The following RARB variants were observed in gnomAD, a reference collection of about 807,000 sequenced individuals.
RARB encodes HBV-activated protein.
In RARB, 17 loss-of-function variants were observed where a neutral mutation model predicts 51.9. That is an observed-to-expected ratio of 0.33 (90% CI 0.22 to 0.49). The LOEUF (loss-of-function observed/expected upper bound fraction) is 0.49. Ranked by LOEUF, RARB falls within the 20% of genes least tolerant of loss-of-function variation. The pLI is 0.99. For synonymous variants in RARB, 215 were observed against 195.4 expected, an observed-to-expected ratio of 1.10 and a Z score of -0.84; for missense variants, 369 against 550.8, an observed-to-expected ratio of 0.67 and a Z score of 3.30.
chr3:24,879,948 TTG>T (rs71622785), intron 2 of RARB, among the ~76,000 whole-genome samples: 21,982 of 151,946 alleles, frequency 0.14, 2,022 homozygotes, highest in African/African-American at 0.27. Flanking sequence ...TTCTTGAGTT[TTG>T]TGTTACGCCT....
chr3:25,017,315 C>T (rs537946374), intron 2 of RARB, among the ~76,000 whole-genome samples: 35 of 147,660 alleles, frequency 2.4e-4, no homozygotes, highest in Admixed American at 1.1e-3. Context: ...TGTGTTTCCA[C>T]GTAGACCCCA....
At chr3:24,889,347 C>A (rs1056134409) in intron 2 of RARB, among the ~76,000 whole-genome samples, 3 of 152,046 alleles carry the variant, frequency 2.0e-5, no homozygotes, top group South Asian at 4.1e-4. Context: ...CATTAGTGAG[C>A]CAAAGCAGGA....
chr3:25,196,898 C>T (rs539807436), intron 5 of RARB, among the ~76,000 whole-genome samples: 4 of 152,124 alleles, frequency 2.6e-5, no homozygotes, highest in African/African-American at 4.8e-5. Flanking sequence ...ATATCCTTCG[C>T]CCACTTTTTG....
intron 2 of RARB, among the ~76,000 whole-genome samples, chr3:25,022,130 T>A (rs891622366): frequency 2.6e-5 from 4 of 152,186 alleles, no homozygotes; most frequent in Non-Finnish European, 4.4e-5. Context: ...TTGAATTTTT[T>A]AAACCCAAGT....
intron 5 of RARB, among the ~76,000 whole-genome samples, chr3:25,287,859 A>G (rs1461973961): frequency 6.6e-6 from 1 of 152,038 alleles, no homozygotes; most frequent in African/African-American, 2.4e-5. Context: ...TGTCAGCCAT[A>G]TTCACTTAGA....
At chr3:25,207,984 G>A (rs1432846319) in intron 5 of RARB, among the ~76,000 whole-genome samples, 2 of 151,746 alleles carry the variant, frequency 1.3e-5, no homozygotes, top group Non-Finnish European at 2.9e-5. Flanking sequence ...GCAGGAGCAA[G>A]CATGTCACAT....
At chr3:25,589,743 A>C (rs771083629) in intron 5 of RARB, among the ~76,000 whole-genome samples, 3 of 152,224 alleles carry the variant, frequency 2.0e-5, no homozygotes, top group Admixed American at 6.5e-5. Context: ...AGGAGGATCA[A>C]CTTTGACCAT....
At chr3:25,029,836 A>G (rs915101247) in intron 2 of RARB, among the ~76,000 whole-genome samples, 1 of 152,380 alleles carries the variant, frequency 6.6e-6, no homozygotes, top group East Asian at 1.9e-4. Context: ...CATGGGACAG[A>G]GTAGAAGTCA....
intron 5 of RARB, among the ~76,000 whole-genome samples, chr3:25,253,936 G>A (rs1702794215): frequency 6.6e-6 from 1 of 152,132 alleles, no homozygotes; most frequent in Non-Finnish European, 1.5e-5. Context: ...GATATCGGTA[G>A]GGAACTGTGT....
chr3:25,547,798 G>A (rs1470325524), intron 3 of RARB, among the ~76,000 whole-genome samples: 2 of 151,940 alleles, frequency 1.3e-5, no homozygotes, highest in African/African-American at 4.8e-5. Context: ...ATAGACGGTG[G>A]GTGGATGGAA....
At chr3:25,248,914 AAG>A (rs1345498812) in intron 5 of RARB, among the ~76,000 whole-genome samples, 1 of 152,158 alleles carries the variant, frequency 6.6e-6, no homozygotes, top group Non-Finnish European at 1.5e-5. Flanking sequence ...TGCCATGAAT[AAG>A]AGTTTTTTAA....
intron 2 of RARB, among the ~76,000 whole-genome samples, chr3:25,477,772 G>A (rs574553555): frequency 4.5e-4 from 68 of 152,270 alleles, no homozygotes; most frequent in African/African-American, 1.3e-3. Flanking sequence ...ACAAACCATC[G>A]CAAATCTTAA....
rs549845893 is a variant in RARB, at chr3:25,409,270, C to T, written c.179-51923C>T. On this transcript the variant is annotated intron_variant, in intron 5 of 11. Coordinates refer to the RARB transcript ENST00000383772. ...TCACCTATGTTTTCTTGTTGTTTTC[C>T]CAAGAGACCATACAACTGACTTTTC... 2.0e-5 allele frequency among the ~76,000 whole-genome samples: 3 copies of T among 152,160 alleles called. No individual in the cohort carries two copies. In the South Asian group the frequency reaches 6.2e-4, roughly 32 times the overall value.
intron 4 of RARB, among the ~76,000 whole-genome samples, chr3:25,573,169 C>T (rs1274363596): frequency 6.6e-6 from 1 of 152,098 alleles, no homozygotes; most frequent in Non-Finnish European, 1.5e-5. Flanking sequence ...TGATGATCTC[C>T]GCTGGCCGCC....
chr3:25,085,983 C>T (rs182360564), intron 3 of RARB, among the ~76,000 whole-genome samples: 4 of 152,230 alleles, frequency 2.6e-5, no homozygotes, highest in Admixed American at 2.0e-4. Flanking sequence ...TTCTCCTCCA[C>T]GTAACAATGC....
intron 2 of RARB, among the ~76,000 whole-genome samples, chr3:24,900,159 G>T (rs938526751): frequency 8.5e-5 from 13 of 152,180 alleles, no homozygotes; most frequent in African/African-American, 3.1e-4. Context: ...GAGAAAAATG[G>T]TCAGTAACAT....
chr3:24,923,034 G>A (rs567274754), intron 2 of RARB, among the ~76,000 whole-genome samples: 30 of 152,258 alleles, frequency 2.0e-4, no homozygotes, highest in Non-Finnish European at 3.2e-4. Flanking sequence ...CTTCCAAAAT[G>A]ATGACTTGCA....
intron 3 of RARB, among the ~76,000 whole-genome samples, chr3:25,099,980 C>T (rs774761223): frequency 6.6e-6 from 1 of 152,178 alleles, no homozygotes; most frequent in Non-Finnish European, 1.5e-5. Context: ...ATATCATTTC[C>T]TGGTTTCACT....
intron 5 of RARB, among the ~76,000 whole-genome samples, chr3:25,318,576 G>T (rs539596564): frequency 2.5e-4 from 38 of 152,258 alleles, no homozygotes; most frequent in African/African-American, 8.2e-4. Context: ...ATAAGCAAGA[G>T]TGTCATTACA....
Sources: allele counts gnomAD v4.1 joint callset (sites outside exome capture counted in the v4.1 genomes callset), GRCh38; gene constraint gnomAD v4.1.1; transcripts MANE v1.5; gene names NCBI Gene and HGNC (gene_info 2026-07-23, HGNC 2026-07-21).